The following FRYL variants were observed in gnomAD, a reference collection of about 807,000 sequenced individuals.
FRYL encodes the protein FRY like transcription coactivator.
In FRYL, 150 loss-of-function variants were observed where a neutral mutation model predicts 351.2. The ratio of observed to expected loss-of-function variants is 0.43; its 90% CI spans 0.37 to 0.49. The LOEUF is 0.49. FRYL is among the 20% of genes least tolerant of loss of function. The pLI, the probability that FRYL is intolerant of heterozygous loss-of-function variation, is 0.00. For missense variants in FRYL, 3,036 were observed against 3,619.3 expected (o/e 0.84, Z 4.13); for synonymous variants, 1,153 against 1,257.1 (o/e 0.92, Z 1.75).
At chr4:48,545,954 G>A (rs780897128) in intron 42 of FRYL, 113 bp downstream of exon 42, 79 of 937,208 alleles carry the variant, frequency 8.4e-5, no homozygotes, top group Non-Finnish European at 1.2e-4. Flanking sequence ...ACAAACCTGT[G>A]TATTTCACAT....
intron 7 of FRYL, chr4:48,618,159 A>G (rs1749929595): frequency 6.6e-6 from 1 of 152,204 alleles, no homozygotes; most frequent in African/African-American, 2.4e-5. Flanking sequence ...CAACTCCCAG[A>G]GGAGATTTCT....
intron 1 of FRYL, among the ~76,000 whole-genome samples, chr4:48,748,844 TG>T (rs1772951066): frequency 6.6e-6 from 1 of 152,098 alleles, no homozygotes; most frequent in Non-Finnish European, 1.5e-5. Context: ...TGGCCAAGTG[TG>T]GGAGATGGCG....
chr4:48,740,849 T>C (rs1771977351), intron 1 of FRYL, among the ~76,000 whole-genome samples: 1 of 152,054 alleles, frequency 6.6e-6, no homozygotes, highest in Admixed American at 6.6e-5. Context: ...GCTTGGTGGT[T>C]TTTTACAAAA....
chr4:48,684,323 CAGT>C (rs947552053), intron 3 of FRYL, among the ~76,000 whole-genome samples: 2 of 152,176 alleles, frequency 1.3e-5, no homozygotes, highest in Non-Finnish European at 2.9e-5. Flanking sequence ...GCCTGCACTG[CAGT>C]TCAATTTCCT....
chr4:48,529,443 A>G (rs950613464), intron 50 of FRYL, among the ~76,000 whole-genome samples: 1 of 152,224 alleles, frequency 6.6e-6, no homozygotes, highest in Admixed American at 6.5e-5. Flanking sequence ...ACTGCTTCAA[A>G]TAACGATCGA....
At position 48,531,261 on chromosome 4, in the gene FRYL, A is replaced by G; in HGVS notation, c.6798T>C (p.Tyr2266=). ...TTTCAGGAGAACCTGTATCTCCTCC[A>G]TAGGTCTTGGGGATATCACTGGGTA... is the stretch of plus-strand genomic sequence containing the variant. ...LVVPSDIPKT[Y]GGDTGSPEIS... The change falls in exon 50 of 64, where the codon TAT becomes TAC. Residue 2266 remains tyrosine (Y), a synonymous_variant. Transcript: ENST00000358350. 6.2e-7 allele frequency: 1 copy of G among 1,613,110 alleles called. No individual in the cohort carries two copies. The highest frequency in any genetic ancestry group is 1.3e-5 in the African/African-American group (1 of 75,004).
chr4:48,507,009 A>G (rs953838415), intron 59 of FRYL, among the ~76,000 whole-genome samples: 5 of 152,202 alleles, frequency 3.3e-5, no homozygotes, highest in African/African-American at 1.2e-4. Context: ...GACATCTAAC[A>G]TGGAACCTGT....
Position 48,592,081 on chromosome 4 carries a change from CTT to C in FRYL, c.1336-1253_1336-1252del, listed in dbSNP as rs1491533903. The stretch of plus-strand genomic sequence containing the variant: ...TGGAATACGGGAAGAAAATAAAGCT[CTT>C]ATATATATATATATATATATATATA... On this transcript the variant is annotated intron_variant, in intron 16 of 63. Transcript: ENST00000358350. Among the ~76,000 whole-genome samples the C allele has an allele frequency of 1.0e-3, 26 of 24,830 alleles. 3 individuals are homozygous for C. Among genetic ancestry groups the C allele is most frequent in the African/African-American group, 3.2e-3 (20 of 6,160 alleles). 16.3% of individuals were successfully genotyped at this position (24,830 alleles called of 152,430 possible).
At chr4:48,565,734 T>G in intron 28 of FRYL, 43 bp from the exon 29 acceptor site, 1 of 1,571,948 alleles carries the variant, frequency 6.4e-7, no homozygotes, top group Admixed American at 1.9e-5. Flanking sequence ...TCCATTTCTT[T>G]TTGCTTTAAC....
At position 48,678,983 on chromosome 4, in the gene FRYL, A is replaced by C. The variant is rs192250670; in HGVS notation, c.-81+5690T>G. On this transcript the variant is annotated intron_variant, in intron 3 of 63. Transcript: ENST00000358350. ...AACCAGTTAAGAGATAAAAGTAAGG[A>C]GCCATATAAATAGGCATACCATATT... 3.5e-3 allele frequency among the ~76,000 whole-genome samples: 526 copies of C among 152,262 alleles called. 5 individuals carry two copies. Among genetic ancestry groups the C allele is most frequent in the African/African-American group, 0.012 (516 of 41,562 alleles).
intron 2 of FRYL, among the ~76,000 whole-genome samples, chr4:48,707,915 G>C (rs1201900119): frequency 6.6e-6 from 1 of 151,086 alleles, no homozygotes; most frequent in Non-Finnish European, 1.5e-5. Flanking sequence ...CCGCCTCCTG[G>C]GTTCAATTGA....
chr4:48,605,749 C>T lies in FRYL; in HGVS notation c.826G>A (p.Val276Ile). 6.3e-7 allele frequency: 1 copy of T among 1,593,454 alleles called. No individual in the cohort carries two copies. The highest frequency in any genetic ancestry group is 8.6e-7 in the Non-Finnish European group (1 of 1,162,536). ...AGLFVEILIP[V>I]AAAVKNEVNV... Reference sequence around the variant, plus strand: ...ATAAGAAAAATACTTACAGCAGCTACAGGGATAAGAATCTCCACAAATAAA... The same window carrying T: ...ATAAGAAAAATACTTACAGCAGCTATAGGGATAAGAATCTCCACAAATAAA... The change falls in exon 11 of 64, where the codon GTA (valine) becomes ATA (isoleucine). Residue 276 changes from valine to isoleucine, a missense_variant. This residue lies in a region of FRYL where 457 missense variants were observed against 566.6 expected (regional missense o/e 0.81). Transcript: ENST00000358350.
chr4:48,649,370 C>T lies in FRYL; in HGVS notation c.-80-14880G>A, dbSNP rs924978384. Reference sequence around the variant, plus strand: ...ATTCACATTTTAACTTATAAAATTACGGTTTAAGAAGGTCAATCTATTTTA... The same window carrying T: ...ATTCACATTTTAACTTATAAAATTATGGTTTAAGAAGGTCAATCTATTTTA... On this transcript the variant is annotated intron_variant, in intron 3 of 63. Transcript: ENST00000358350. Among the ~76,000 whole-genome samples, 19 of 152,136 alleles carry T rather than the reference C, an allele frequency of 1.2e-4. No individual in the cohort carries two copies. The East Asian group carries it at 2.3e-3, about 18-fold the overall frequency.
At chr4:48,682,717 G>A (rs1179741007) in intron 3 of FRYL, among the ~76,000 whole-genome samples, 3 of 152,170 alleles carry the variant, frequency 2.0e-5, no homozygotes, top group Non-Finnish European at 4.4e-5. Context: ...ACCACATTGA[G>A]ACACCATCTC....
chr4:48,547,859 T>C, intron 40 of FRYL, 90 bp from the exon 41 acceptor site: 1 of 862,868 alleles, frequency 1.2e-6, no homozygotes, highest in Non-Finnish European at 1.7e-6. Context: ...AAGGAGAAAT[T>C]ATATGAAAGA....
chr4:48,729,247 C>T (rs1301267383), intron 1 of FRYL, among the ~76,000 whole-genome samples: 2 of 152,210 alleles, frequency 1.3e-5, no homozygotes, highest in African/African-American at 4.8e-5. Context: ...TCCAACTGGG[C>T]GGAGCCCACC....
intron 1 of FRYL, among the ~76,000 whole-genome samples, chr4:48,713,334 TAAAG>T (rs1768331403): frequency 6.6e-6 from 1 of 152,110 alleles, no homozygotes; most frequent in African/African-American, 2.4e-5. Flanking sequence ...GCAAATTGCA[TAAAG>T]AGTCACGACC....
At chr4:48,625,787 T>C (rs1751672819) in intron 4 of FRYL, among the ~76,000 whole-genome samples, 1 of 152,090 alleles carries the variant, frequency 6.6e-6, no homozygotes, top group Non-Finnish European at 1.5e-5. Flanking sequence ...TAGACATAAA[T>C]TTATAGATTG....
At chr4:48,671,873 CAA>C (rs71191252) in intron 3 of FRYL, among the ~76,000 whole-genome samples, 7 of 51,856 alleles carry the variant, frequency 1.3e-4, no homozygotes, top group South Asian at 1.5e-3. Flanking sequence ...AAAAAAAAAA[CAA>C]AAAAAAAAAA....
Sources: allele counts gnomAD v4.1 joint callset (sites outside exome capture counted in the v4.1 genomes callset), GRCh38; gene constraint gnomAD v4.1.1; regional missense constraint gnomAD v4.1.1; transcripts MANE v1.5; gene names NCBI Gene and HGNC (gene_info 2026-07-23, HGNC 2026-07-21).